PLEKHH1: variants seen among roughly 807,000 people sequenced by gnomAD.
The protein encoded by PLEKHH1 is pleckstrin homology, MyTH4 and FERM domain containing H1.
A neutral mutation model predicts 160.0 loss-of-function variants in PLEKHH1; 104 were observed. That is an observed-to-expected ratio of 0.65 (90% CI 0.55 to 0.76). The LOEUF is 0.76. PLEKHH1 is among the 30% of genes least tolerant of loss of function. The probability of loss-of-function intolerance (pLI) is 0.00; values close to 1 mark genes in which losing one functional copy is unlikely to be tolerated. For synonymous variants in PLEKHH1, 619 were observed against 678.4 expected (o/e 0.91, Z 1.36); for missense variants, 1,427 against 1,724.1 (o/e 0.83, Z 3.05).
rs1413822624 is a variant in PLEKHH1, at chr14:67,557,336, A to G, written c.257A>G (p.His86Arg). ...LKNVDSEGSL[H>R]RKYQELLKAI... ...AATGTGGACTCTGAGGGGAGCCTGCACCGGAAATACCAAGAATTGCTGAAA... is the reference window on the plus strand; with the variant it reads ...AATGTGGACTCTGAGGGGAGCCTGCGCCGGAAATACCAAGAATTGCTGAAA... The change falls in exon 4 of 29, where the codon CAC becomes CGC. Residue 86 changes from histidine to arginine, a missense_variant. By Grantham distance (29) the His-to-Arg change is conservative (BLOSUM62 0). This residue lies in a region of PLEKHH1 where 831 missense variants were observed against 929.2 expected (regional missense o/e 0.89). Coordinates refer to ENST00000329153, the MANE Select transcript of PLEKHH1 (RefSeq NM_020715.3). The G allele has an allele frequency of 1.9e-6, 3 of 1,613,858 alleles. No homozygotes were observed. The highest frequency in any genetic ancestry group is 4.5e-5 in the East Asian group (2 of 44,886).
chr14:67,533,580 C>T (rs2140295410), intron 1 of PLEKHH1, 182 bp downstream of exon 1: 1 of 152,176 alleles, frequency 6.6e-6, no homozygotes, highest in Admixed American at 6.5e-5. Flanking sequence ...CTTGGGAAGC[C>T]GGGCGCCCCA....
chr14:67,573,675 C>T lies in PLEKHH1; in HGVS notation c.1840-126C>T, dbSNP rs1286453572. 3 of 732,138 alleles carry T rather than the reference C, an allele frequency of 4.1e-6. No homozygotes were observed. The highest frequency in any genetic ancestry group is 5.2e-5 in the East Asian group (2 of 38,740). The allele number at this position is 732,138 out of a possible 1,614,324, so 45.4% of individuals were successfully genotyped here. Reference sequence around the variant, plus strand: ...ATCTAGAATAAGTCACCCATCATAACACAGCCAGAATGCTGGGAATCATGT... The same window carrying T: ...ATCTAGAATAAGTCACCCATCATAATACAGCCAGAATGCTGGGAATCATGT... On this transcript the variant is annotated intron_variant, in intron 12 of 28. Transcript: ENST00000329153. The surrounding 1 kb of genome is among the most constrained non-coding windows in gnomAD (Gnocchi z 4.8).
At chr14:67,559,141 TCTC>T (rs1206492620) in intron 4 of PLEKHH1, among the ~76,000 whole-genome samples, 1 of 152,218 alleles carries the variant, frequency 6.6e-6, no homozygotes, top group Non-Finnish European at 1.5e-5. Flanking sequence ...TTTTCAATCA[TCTC>T]CTCTTTTGAC....
At chr14:67,547,131 G>A (rs1298187394) in intron 2 of PLEKHH1, among the ~76,000 whole-genome samples, 1 of 152,108 alleles carries the variant, frequency 6.6e-6, no homozygotes, top group African/African-American at 2.4e-5. Context: ...GAAATGTTAG[G>A]GGTGCATAGT....
Position 67,577,328 on chromosome 14 carries a change from C to T in PLEKHH1, c.2488C>T (p.Leu830=). The T allele has an allele frequency of 1.3e-6, 2 of 1,577,624 alleles. No individual in the cohort carries two copies. Among genetic ancestry groups the T allele is most frequent in the Non-Finnish European group, 1.7e-6 (2 of 1,162,262 alleles). ...PDSPLWRHPM[L]CYSKDGLYAS... is the part of the protein sequence containing the mutation. ...TTCGCCGCTCTGGAGGCACCCCATG[C>T]TGTGCTACAGCAAAGACGGCCTATA... The change falls in exon 18 of 29, where the codon CTG becomes TTG. Residue 830 remains leucine, a synonymous_variant. Coordinates refer to ENST00000329153, the MANE Select transcript of PLEKHH1 (RefSeq NM_020715.3).
At chr14:67,537,931 G>C (rs2033805808) in intron 1 of PLEKHH1, among the ~76,000 whole-genome samples, 1 of 152,160 alleles carries the variant, frequency 6.6e-6, no homozygotes, top group Non-Finnish European at 1.5e-5. Flanking sequence ...CAAGACTATG[G>C]CAGTTTTTTG....
In PLEKHH1 at chr14:67,576,537, G is replaced by A; in HGVS notation, c.2461+34G>A. 2 of 1,045,238 alleles carry A rather than the reference G, an allele frequency of 1.9e-6. No individual in the cohort carries two copies. Among genetic ancestry groups the A allele is most frequent in the South Asian group, 2.5e-5 (2 of 78,548 alleles). 64.7% of individuals were successfully genotyped at this position (1,045,238 alleles called of 1,614,324 possible). On this transcript the variant is annotated intron_variant, in intron 17 of 28. Coordinates refer to ENST00000329153, the MANE Select transcript of PLEKHH1 (RefSeq NM_020715.3). This position sits in a 1 kb window ranked among gnomAD's most constrained non-coding sequence, Gnocchi z 4.0. ...AGGGTGGCCACCACTGCTTGGGTTG[G>A]AGGGTAGTGGCTTGGTGACTATTGG...
At chr14:67,580,319 AG>A (rs2035834299) in intron 22 of PLEKHH1, 1 of 169,960 alleles carries the variant, frequency 5.9e-6, no homozygotes, top group South Asian at 1.6e-4. Context: ...ACACTTTTAA[AG>A]AGGCAGGTCC....
intron 26 of PLEKHH1, 165 bp from the exon 27 acceptor site, chr14:67,585,403 T>C: frequency 1.7e-6 from 1 of 596,938 alleles, no homozygotes; most frequent in Non-Finnish European, 3.0e-6. Context: ...CAGCCTTGTC[T>C]ATTTCCTGCA....
At position 67,587,371 on chromosome 14, in the gene PLEKHH1, CT is replaced by C; in HGVS notation, c.*137del. 2.0e-6 allele frequency: 2 copies of C among 1,000,194 alleles called. No homozygotes were observed. The highest frequency in any genetic ancestry group is 2.7e-5 in the South Asian group (2 of 73,566). 62.0% of individuals were successfully genotyped at this position (1,000,194 alleles called of 1,614,324 possible). On this transcript the variant is annotated 3_prime_UTR_variant, in exon 29 of 29. Transcript: ENST00000329153. ...TTCTGTGAAATGTGTATTTTAGTCT[CT>C]GTGAAGCCTTTACTCTCTAGGTGCC...
chr14:67,541,779 A>G, intron 1 of PLEKHH1, 55 bp from the exon 2 acceptor site: 1 of 1,249,652 alleles, frequency 8.0e-7, no homozygotes, highest in South Asian at 1.6e-5. Context: ...TTCCCCACAG[A>G]ACTCTTCCTC....
At chr14:67,545,945 TA>T (rs60607551) in intron 2 of PLEKHH1, among the ~76,000 whole-genome samples, 2,050 of 140,494 alleles carry the variant, frequency 0.015, 17 homozygotes, top group East Asian at 0.065. Context: ...GCTCTGCTGC[TA>T]AAAAAAAAAA....
intron 2 of PLEKHH1, among the ~76,000 whole-genome samples, chr14:67,548,468 C>A (rs561987854): frequency 6.6e-6 from 1 of 152,172 alleles, no homozygotes; most frequent in Admixed American, 6.5e-5. Context: ...GAGGCCAAGG[C>A]GGGCAGATCA....
At position 67,577,419 on chromosome 14, in the gene PLEKHH1, A is replaced by G. The variant is rs148951964; in HGVS notation, c.2574+5A>G. ...GAGGCCCTCAAGCTCTTCAAGGTAA[A>G]TTGGGGTGGCGGCCAGGCCCACCGC... On this transcript the variant is annotated splice_donor_5th_base_variant and intron_variant, in intron 18 of 28. Transcript: ENST00000329153. 1.3e-6 allele frequency: 2 copies of G among 1,554,740 alleles called. No individual in the cohort carries two copies. Among genetic ancestry groups the G allele is most frequent in the African/African-American group, 1.4e-5 (1 of 73,460 alleles).
In PLEKHH1 at chr14:67,559,679, C is replaced by A; in HGVS notation, c.411C>A (p.Leu137=). 2.5e-6 allele frequency: 4 copies of A among 1,604,152 alleles called. No individual in the cohort carries two copies. Among genetic ancestry groups the A allele is most frequent in the Non-Finnish European group, 2.6e-6 (3 of 1,175,030 alleles). The change falls in exon 5 of 29, where the codon CTC becomes CTA. Residue 137 remains leucine (L), a synonymous_variant. Coordinates refer to ENST00000329153, the MANE Select transcript of PLEKHH1 (RefSeq NM_020715.3). ...CAAAGATCAAGGAATGGGTGACACT[C>A]AAGTTGGCAAAGGTGGGTTGGAAAC... ...KAAKIKEWVT[L]KLAKLEMENQ...
chr14:67,569,904 C>T lies in PLEKHH1; in HGVS notation c.1343-17C>T, dbSNP rs1436628781. On this transcript the variant is annotated splice_polypyrimidine_tract_variant and intron_variant, in intron 8 of 28. Coordinates refer to ENST00000329153, the MANE Select transcript of PLEKHH1 (RefSeq NM_020715.3). ...GTTATGCCCTTGAGTAATCTCATTC[C>T]TCTCTTCCCTGCTCAGCTTCAAGCC... 6.4e-7 allele frequency: 1 copy of T among 1,555,978 alleles called. No homozygotes were observed. The highest frequency in any genetic ancestry group is 8.8e-7 in the Non-Finnish European group (1 of 1,132,416).
chr14:67,555,642 T>C (rs1839804764), intron 2 of PLEKHH1, among the ~76,000 whole-genome samples, 183 bp from the exon 3 acceptor site: 1 of 152,170 alleles, frequency 6.6e-6, no homozygotes, highest in Non-Finnish European at 1.5e-5. Context: ...CCCCATGAAC[T>C]CAGGATTAGG....
Position 67,573,503 on chromosome 14 carries a change from C to T in PLEKHH1, c.1839+117C>T. 1 of 745,678 alleles carries T rather than the reference C, an allele frequency of 1.3e-6. No homozygotes were observed. 46.2% of individuals were successfully genotyped at this position (745,678 alleles called of 1,614,324 possible). ...CCAAGGCCAGAGGGCAAAGGTCTGG[C>T]AGGTGGGGAGAGGCAACCTCACTGG... On this transcript the variant is annotated intron_variant, in intron 12 of 28. Transcript: ENST00000329153. This position sits in a 1 kb window ranked among gnomAD's most constrained non-coding sequence, Gnocchi z 4.8.
chr14:67,580,871 GGCTGGACCTTGATCCCTT>G, intron 22 of PLEKHH1, 49 bp from the exon 23 acceptor site: 1 of 1,035,454 alleles, frequency 9.7e-7, no homozygotes, highest in Non-Finnish European at 1.5e-6. Flanking sequence ...GTCCAGCCCT[GGCTGGACCTTGATCCCTT>G]CTCTCCTTAT....
Sources: allele counts gnomAD v4.1 joint callset (sites outside exome capture counted in the v4.1 genomes callset), GRCh38; gene constraint gnomAD v4.1.1; regional missense constraint gnomAD v4.1.1; non-coding constraint Gnocchi (gnomAD v3.1); transcripts MANE v1.5; gene names NCBI Gene and HGNC (gene_info 2026-07-23, HGNC 2026-07-21).